RAD23B: variants seen among roughly 807,000 people sequenced by gnomAD.
RAD23B encodes the protein RAD23 nucleotide excision repair protein B.
RAD23B carries 5 observed loss-of-function variants against 49.1 expected under a neutral mutation model. The observed-to-expected ratio is 0.10, with a 90% CI of 0.05 to 0.21. The LOEUF (loss-of-function observed/expected upper bound fraction) is 0.21, where lower values mean the gene tolerates loss of function less well. Among genes scored for constraint, RAD23B ranks in the 10% least tolerant of loss-of-function variants. RAD23B has a pLI of 1.00. For missense variants in RAD23B, 356 were observed against 486.7 expected (o/e 0.73, Z 2.53); for synonymous variants, 184 against 165.4 (o/e 1.11, Z -0.86).
Position 107,318,849 on chromosome 9 carries a change from C to T in RAD23B, c.651C>T (p.Asn217=), listed in dbSNP as rs367593022. The T allele has an allele frequency of 4.2e-5, 68 of 1,613,504 alleles. 1 individual carries two copies. The East Asian group carries it at 4.7e-4, about 11-fold the overall frequency. ...CAGCCCTGAGAGCCAGTTTCAACAA[C>T]CCTGACAGAGCAGTGGAGTATCTTT... ...VIAALRASFN[N]PDRAVEYLLM... Residue 217 remains asparagine (N), a synonymous_variant, in exon 6 of 10, where the codon AAC becomes AAT. Transcript: ENST00000358015. The surrounding 1 kb of genome is among the most constrained non-coding windows in gnomAD (Gnocchi z 4.3).
In RAD23B at chr9:107,330,749, A is replaced by T. The variant is rs1394215728; in HGVS notation, c.*1093A>T. On this transcript the variant is annotated 3_prime_UTR_variant, in exon 10 of 10. Transcript: ENST00000358015. The surrounding 1 kb of genome is among the most constrained non-coding windows in gnomAD (Gnocchi z 4.4). ...TATTGCTTTCAAAAAGAAATGGTAG[A>T]CAAAACTATAATCCAGCATCTTTTA... 1 of 152,692 alleles carries T rather than the reference A, an allele frequency of 6.5e-6. No homozygotes were observed. The highest frequency in any genetic ancestry group is 1.5e-5 in the Non-Finnish European group (1 of 68,048). The allele number at this position is 152,692 out of a possible 1,614,324, so 9.5% of individuals were successfully genotyped here. A position where few individuals can be genotyped will look rare whatever the true frequency, so the allele number is the denominator to read the frequency against.
chr9:107,284,568 A>T (rs1227826095), intron 1 of RAD23B: 1 of 214,200 alleles, frequency 4.7e-6, no homozygotes, highest in East Asian at 1.7e-4. Context: ...CACATTATAC[A>T]TTTTTCTGTA....
intron 9 of RAD23B, among the ~76,000 whole-genome samples, chr9:107,327,374 T>C (rs1164710495): frequency 6.6e-6 from 1 of 152,224 alleles, no homozygotes; most frequent in Non-Finnish European, 1.5e-5. Flanking sequence ...GATTAAATTA[T>C]TATCTATCTT....
At position 107,318,498 on chromosome 9, in the gene RAD23B, T is replaced by G. The variant is rs1171243635; in HGVS notation, c.554-254T>G. ...GGTCTCTGTCTTAAAGTCAGCTGAT[T>G]AGCAACCTTAATTTTATCTATAACC... On this transcript the variant is annotated intron_variant, in intron 5 of 9. Coordinates refer to ENST00000358015, the MANE Select transcript of RAD23B (RefSeq NM_002874.5). This position sits in a 1 kb window ranked among gnomAD's most constrained non-coding sequence, Gnocchi z 4.3. Among the ~76,000 whole-genome samples, 2 of 152,190 alleles carry G rather than the reference T, an allele frequency of 1.3e-5. No homozygotes were observed. The highest frequency in any genetic ancestry group is 3.8e-4 in the East Asian group (2 of 5,198).
At chr9:107,326,559 T>C (rs1827206500) in intron 9 of RAD23B, among the ~76,000 whole-genome samples, 1 of 151,574 alleles carries the variant, frequency 6.6e-6, no homozygotes, top group Non-Finnish European at 1.5e-5. Flanking sequence ...TCCTGGGCTT[T>C]TTTTGGGGGG....
chr9:107,325,559 A>G (rs1470034149), intron 9 of RAD23B, among the ~76,000 whole-genome samples: 3 of 152,162 alleles, frequency 2.0e-5, no homozygotes, highest in Non-Finnish European at 4.4e-5. Context: ...TGCTAACTAT[A>G]TAAAAATACA....
intron 1 of RAD23B, among the ~76,000 whole-genome samples, chr9:107,287,341 T>C (rs1019625302): frequency 3.9e-5 from 6 of 152,202 alleles, no homozygotes; most frequent in South Asian, 2.1e-4. Context: ...ACTGTTTGCC[T>C]TGAACAACTA....
At chr9:107,316,201 C>T (rs1168356344) in intron 5 of RAD23B, among the ~76,000 whole-genome samples, 7 of 151,852 alleles carry the variant, frequency 4.6e-5, no homozygotes, top group Non-Finnish European at 7.4e-5. Context: ...TTAGTAGAGG[C>T]GGGGTTTCAC....
intron 6 of RAD23B, among the ~76,000 whole-genome samples, chr9:107,321,064 A>C (rs1177295014): frequency 6.6e-6 from 1 of 152,200 alleles, no homozygotes; most frequent in Non-Finnish European, 1.5e-5. Flanking sequence ...AATCATGTGC[A>C]TCAAAATAGG....
intron 7 of RAD23B, among the ~76,000 whole-genome samples, chr9:107,322,583 C>G (rs550297124): frequency 3.3e-5 from 5 of 152,206 alleles, no homozygotes; most frequent in South Asian, 4.1e-4. Context: ...GAATTGAAGT[C>G]TCTTTACTGG....
At chr9:107,320,985 C>G (rs959446894) in intron 6 of RAD23B, among the ~76,000 whole-genome samples, 1 of 152,030 alleles carries the variant, frequency 6.6e-6, no homozygotes, top group Non-Finnish European at 1.5e-5. Context: ...ATACTTGGTT[C>G]TTTATTCTCT....
chr9:107,323,573 G>C (rs1827147795), intron 7 of RAD23B, among the ~76,000 whole-genome samples: 1 of 152,060 alleles, frequency 6.6e-6, no homozygotes, highest in South Asian at 2.1e-4. Context: ...TTTTTATTTT[G>C]ATAGAACACA....
At chr9:107,307,793 C>T (rs1472775640) in intron 4 of RAD23B, among the ~76,000 whole-genome samples, 1 of 152,118 alleles carries the variant, frequency 6.6e-6, no homozygotes, top group African/African-American at 2.4e-5. Flanking sequence ...AATTGATTCC[C>T]TAAGAAGACA....
rs1307090264 is a variant in RAD23B, at chr9:107,283,309, G to C, written c.-321G>C. 2.4e-6 allele frequency: 1 copy of C among 413,496 alleles called. No individual in the cohort carries two copies. 25.6% of individuals were successfully genotyped at this position (413,496 alleles called of 1,614,324 possible). On this transcript the variant is annotated 5_prime_UTR_variant, in exon 1 of 10. Transcript: ENST00000358015. ...ACGATGATGGCGGCCACCATCCTGTGGTGAGCTAGCGGATTCCCTGCTTGT... is the reference window on the plus strand; with the variant it reads ...ACGATGATGGCGGCCACCATCCTGTCGTGAGCTAGCGGATTCCCTGCTTGT...
At chr9:107,312,103 C>T (rs1488592202) in intron 5 of RAD23B, among the ~76,000 whole-genome samples, 1 of 152,176 alleles carries the variant, frequency 6.6e-6, no homozygotes, top group East Asian at 1.9e-4. Context: ...GTGTATTCAC[C>T]ATTAGACTTA....
chr9:107,290,676 G>A (rs1307832077), intron 1 of RAD23B, among the ~76,000 whole-genome samples: 1 of 152,184 alleles, frequency 6.6e-6, no homozygotes, highest in Non-Finnish European at 1.5e-5. Context: ...CATGGGCATG[G>A]AAATATTTAG....
At chr9:107,290,855 A>G (rs760988328) in intron 1 of RAD23B, among the ~76,000 whole-genome samples, 16 of 152,328 alleles carry the variant, frequency 1.1e-4, no homozygotes, top group Middle Eastern at 3.4e-3. Flanking sequence ...TGTAAAATCA[A>G]TGAACAAGGT....
Position 107,331,682 on chromosome 9 carries a change from CTG to C in RAD23B, c.*2027_*2028del. On this transcript the variant is annotated 3_prime_UTR_variant, in exon 10 of 10. Coordinates refer to ENST00000358015, the MANE Select transcript of RAD23B (RefSeq NM_002874.5). ...CTGTCTACTCAGATCATAGTGAAAA[CTG>C]GAAACAAAAAAAAAAAACAGCCTCT... 4.5e-6 allele frequency: 3 copies of C among 665,036 alleles called. No homozygotes were observed. The highest frequency in any genetic ancestry group is 5.4e-5 in the East Asian group (2 of 37,188). The allele number at this position is 665,036 out of a possible 1,614,324, so 41.2% of individuals were successfully genotyped here.
In RAD23B at chr9:107,325,167, T is replaced by C. The variant is rs990444610; in HGVS notation, c.1116+163T>C. On this transcript the variant is annotated intron_variant, in intron 9 of 9. Coordinates refer to ENST00000358015, the MANE Select transcript of RAD23B (RefSeq NM_002874.5). Reference sequence around the variant, plus strand: ...CCATCTCTACTAAAAATACAAAAATTAGCTGGCGTGGTGGCACATACCTGT... The same window carrying C: ...CCATCTCTACTAAAAATACAAAAATCAGCTGGCGTGGTGGCACATACCTGT... The C allele has an allele frequency of 1.4e-5, 7 of 509,436 alleles. No homozygotes were observed. The Admixed American group carries it at 1.7e-4, about 13-fold the overall frequency. 31.6% of individuals were successfully genotyped at this position (509,436 alleles called of 1,614,324 possible).
Sources: allele counts gnomAD v4.1 joint callset (sites outside exome capture counted in the v4.1 genomes callset), GRCh38; gene constraint gnomAD v4.1.1; non-coding constraint Gnocchi (gnomAD v3.1); transcripts MANE v1.5; gene names NCBI Gene and HGNC (gene_info 2026-07-23, HGNC 2026-07-21).